The following LRRC8C variants were observed in gnomAD, a reference collection of about 807,000 sequenced individuals.
The protein encoded by LRRC8C is leucine rich repeat containing 8 VRAC subunit C, also known as volume-regulated anion channel subunit LRRC8C.
A neutral mutation model predicts 55.3 loss-of-function variants in LRRC8C; 20 were observed. The observed-to-expected ratio is 0.36, with a 90% CI of 0.25 to 0.53. LRRC8C has a LOEUF of 0.53. LRRC8C is among the 20% of genes least tolerant of loss of function. The pLI is 0.92. For missense variants in LRRC8C, 659 were observed against 951.4 expected, an observed-to-expected ratio of 0.69 and a Z score of 4.04; for synonymous variants, 376 against 360.7, an observed-to-expected ratio of 1.04 and a Z score of -0.48.
intron 1 of LRRC8C, among the ~76,000 whole-genome samples, chr1:89,682,566 GT>G (rs1657749185): frequency 1.3e-5 from 2 of 152,148 alleles, no homozygotes; most frequent in Admixed American, 1.3e-4. Flanking sequence ...ATGCTAAGAT[GT>G]TTTTTGCCTA....
intron 2 of LRRC8C, among the ~76,000 whole-genome samples, chr1:89,691,676 C>T (rs975439184): frequency 2.6e-5 from 4 of 152,104 alleles, no homozygotes; most frequent in African/African-American, 9.7e-5. Flanking sequence ...ATAACTTGCC[C>T]CAAAGCCAAG....
chr1:89,674,136 G>T (rs913069067), intron 1 of LRRC8C, among the ~76,000 whole-genome samples: 3 of 152,112 alleles, frequency 2.0e-5, no homozygotes, highest in Admixed American at 1.3e-4. Context: ...GGGAGGATAG[G>T]TTTTTTATCT....
upstream of LRRC8C, chr1:89,631,925 G>A (rs573393564): frequency 6.6e-6 from 1 of 152,332 alleles, no homozygotes; most frequent in South Asian, 2.1e-4. Flanking sequence ...ATAGAAACGT[G>A]GTAAAAGGAG....
At chr1:89,685,205 G>T (rs574273973) in intron 1 of LRRC8C, among the ~76,000 whole-genome samples, 1 of 135,454 alleles carries the variant, frequency 7.4e-6, no homozygotes, top group Admixed American at 8.6e-5. Flanking sequence ...TGCAAGCTCC[G>T]CTTCCCGGGT....
At chr1:89,709,169 G>C (rs1415689326) in intron 2 of LRRC8C, among the ~76,000 whole-genome samples, 1 of 152,210 alleles carries the variant, frequency 6.6e-6, no homozygotes, top group Non-Finnish European at 1.5e-5. Flanking sequence ...CCATCCTAGC[G>C]GAAGCTAGGT....
rs367545420 is a variant in LRRC8C, at chr1:89,675,099, G to A, written c.-4-11371G>A. 1.2e-4 allele frequency among the ~76,000 whole-genome samples: 19 copies of A among 152,096 alleles called. 1 individual carries two copies. The South Asian group carries it at 1.9e-3, about 15-fold the overall frequency. ...GTACCAGTCTACCATCTATTTTTAT[G>A]GAAAGGTATTTGAAAAACAAGCTAC... On this transcript the variant is annotated intron_variant, in intron 1 of 2. Transcript: ENST00000370454.
At chr1:89,667,489 A>G (rs755242243) in intron 1 of LRRC8C, among the ~76,000 whole-genome samples, 1 of 152,200 alleles carries the variant, frequency 6.6e-6, no homozygotes, top group Admixed American at 6.5e-5. Flanking sequence ...CACCCAATCC[A>G]TCAGCTAGAG....
In LRRC8C at chr1:89,714,567, C is replaced by T; in HGVS notation, c.1997C>T (p.Ser666Phe). 1 of 1,614,164 alleles carries T rather than the reference C, an allele frequency of 6.2e-7. No individual in the cohort carries two copies. The highest frequency in any genetic ancestry group is 1.1e-5 in the South Asian group (1 of 91,074). Reference sequence around the variant, plus strand: ...AAACTCACCAGCCTGGAACGCCTGTCCTTTAGTCACAATAAAATAGAGGTG... The same window carrying T: ...AAACTCACCAGCCTGGAACGCCTGTTCTTTAGTCACAATAAAATAGAGGTG... ...IKKLTSLERL[S>F]FSHNKIEVLP... is the part of the protein sequence containing the mutation. The change falls in exon 3 of 3, where the codon TCC (serine) becomes TTC (phenylalanine). Residue 666 changes from serine (S) to phenylalanine (F), a missense_variant. Coordinates refer to ENST00000370454, the MANE Select transcript of LRRC8C (RefSeq NM_032270.5). This position sits in a 1 kb window ranked among gnomAD's most constrained non-coding sequence, Gnocchi z 4.6.
chr1:89,701,052 CA>C (rs1028522973), intron 2 of LRRC8C, among the ~76,000 whole-genome samples: 1 of 152,110 alleles, frequency 6.6e-6, no homozygotes, highest in African/African-American at 2.4e-5. Flanking sequence ...GGGTCCAAGG[CA>C]GGAGGATCAC....
At chr1:89,682,989 C>G (rs770797153) in intron 1 of LRRC8C, among the ~76,000 whole-genome samples, 1 of 152,118 alleles carries the variant, frequency 6.6e-6, no homozygotes, top group Non-Finnish European at 1.5e-5. Context: ...TGAAGTGATC[C>G]TGACACTTCA....
At chr1:89,628,790 G>A (rs186505625), upstream of LRRC8C, among the ~76,000 whole-genome samples, 1 of 152,224 alleles carries the variant, frequency 6.6e-6, no homozygotes, top group Non-Finnish European at 1.5e-5. Flanking sequence ...AGGGAAGGGA[G>A]GGAGAAGATT....
chr1:89,689,481 T>C (rs945526625), intron 2 of LRRC8C, among the ~76,000 whole-genome samples: 44 of 152,058 alleles, frequency 2.9e-4, no homozygotes, highest in African/African-American at 1.1e-3. Flanking sequence ...GAATATACTG[T>C]AGGGGGTGAG....
intron 2 of LRRC8C, among the ~76,000 whole-genome samples, chr1:89,702,231 G>T (rs1319939979): frequency 6.6e-6 from 1 of 151,854 alleles, no homozygotes; most frequent in Non-Finnish European, 1.5e-5. Context: ...AACCACAAAA[G>T]TACACTCAAG....
intron 1 of LRRC8C, among the ~76,000 whole-genome samples, chr1:89,638,453 A>G (rs1056558085): frequency 7.0e-6 from 1 of 142,508 alleles, no homozygotes; most frequent in Admixed American, 7.4e-5. Flanking sequence ...CTTCACCTCA[A>G]TCAATTTTTC....
At chr1:89,690,981 G>A (rs185549516) in intron 2 of LRRC8C, among the ~76,000 whole-genome samples, 88 of 152,324 alleles carry the variant, frequency 5.8e-4, no homozygotes, top group African/African-American at 1.9e-3. Context: ...CTGAGAAAAA[G>A]TGAGATGCCA....
chr1:89,641,925 G>A (rs899507062), intron 1 of LRRC8C, among the ~76,000 whole-genome samples: 21 of 152,154 alleles, frequency 1.4e-4, no homozygotes, highest in Admixed American at 2.6e-4. Context: ...TTATTAATCC[G>A]TTTAAACGAT....
intron 1 of LRRC8C, among the ~76,000 whole-genome samples, chr1:89,666,239 A>G (rs1189702518): frequency 1.3e-5 from 2 of 152,046 alleles, no homozygotes; most frequent in East Asian, 1.9e-4. Flanking sequence ...ACCTTATTCC[A>G]TGGTAGGTCC....
rs1658833117 is a variant in LRRC8C, at chr1:89,716,722, T to G, written c.*1740T>G. ...ACTGATCGTAGTAAGTTTTGTGACT[T>G]AACAATGAAAGAAAGTAGAAAGATG... is the stretch of plus-strand genomic sequence containing the variant. On this transcript the variant is annotated 3_prime_UTR_variant, in exon 3 of 3. Coordinates refer to ENST00000370454, the MANE Select transcript of LRRC8C (RefSeq NM_032270.5). 1 of 152,228 alleles carries G rather than the reference T, an allele frequency of 6.6e-6. No homozygotes were observed. Among genetic ancestry groups the G allele is most frequent in the South Asian group, 2.1e-4 (1 of 4,832 alleles). 9.4% of individuals were successfully genotyped at this position (152,228 alleles called of 1,614,324 possible).
At chr1:89,675,362 T>G (rs1474089714) in intron 1 of LRRC8C, among the ~76,000 whole-genome samples, 4 of 152,222 alleles carry the variant, frequency 2.6e-5, no homozygotes, top group Non-Finnish European at 5.9e-5. Flanking sequence ...AGGAGTCTTC[T>G]TGCCTTCCGC....
Sources: allele counts gnomAD v4.1 joint callset (sites outside exome capture counted in the v4.1 genomes callset), GRCh38; gene constraint gnomAD v4.1.1; non-coding constraint Gnocchi (gnomAD v3.1); transcripts MANE v1.5; gene names NCBI Gene and HGNC (gene_info 2026-07-23, HGNC 2026-07-21).